FMN1: variants seen among roughly 807,000 people sequenced by gnomAD.
The protein encoded by FMN1 is formin-1.
FMN1 carries 110 observed loss-of-function variants against 132.4 expected under a neutral mutation model. That is an observed-to-expected ratio of 0.83 (90% CI 0.71 to 0.97). FMN1 has a LOEUF of 0.97. FMN1 is among the 50% of genes least tolerant of loss of function. The pLI is 0.00. For missense variants in FMN1, 1,792 were observed against 1,705.3 expected (o/e 1.05, Z -0.90); for synonymous variants, 722 against 651.7 (o/e 1.11, Z -1.64).
chr15:32,921,476 G>C (rs2060820684), intron 10 of FMN1, among the ~76,000 whole-genome samples: 1 of 152,150 alleles, frequency 6.6e-6, no homozygotes, highest in East Asian at 1.9e-4. Context: ...CAGTGTGATA[G>C]ATATTGCTGC....
intron 17 of FMN1, among the ~76,000 whole-genome samples, chr15:32,809,587 CTTCT>C (rs2057803090): frequency 1.3e-5 from 2 of 152,118 alleles, no homozygotes; most frequent in Non-Finnish European, 2.9e-5. Flanking sequence ...CACTTTGCTC[CTTCT>C]GTTTCTAATG....
chr15:32,953,413 G>A (rs1466843563), intron 9 of FMN1, among the ~76,000 whole-genome samples: 2 of 152,188 alleles, frequency 1.3e-5, no homozygotes, highest in Admixed American at 1.3e-4. Context: ...CTGGGATACA[G>A]AAGGCAGATT....
intron 4 of FMN1, among the ~76,000 whole-genome samples, chr15:33,107,228 A>C (rs1386661647): frequency 6.6e-6 from 1 of 151,886 alleles, no homozygotes; most frequent in East Asian, 1.9e-4. Context: ...TGATCACTTC[A>C]CACATCATTA....
intron 17 of FMN1, among the ~76,000 whole-genome samples, chr15:32,806,795 G>A (rs2057697557): frequency 6.6e-6 from 1 of 152,168 alleles, no homozygotes; most frequent in African/African-American, 2.4e-5. Context: ...TCACTGCATT[G>A]AGGTCTCAGC....
intron 15 of FMN1, among the ~76,000 whole-genome samples, chr15:32,888,899 C>T (rs903135472): frequency 1.3e-5 from 2 of 150,036 alleles, no homozygotes; most frequent in Non-Finnish European, 3.0e-5. Flanking sequence ...TGCTTTGTCA[C>T]CCAGGCTTGA....
At chr15:32,903,495 TGCTGA>T (rs2060346078) in intron 12 of FMN1, among the ~76,000 whole-genome samples, 1 of 152,206 alleles carries the variant, frequency 6.6e-6, no homozygotes, top group South Asian at 2.1e-4. Context: ...TTTATTCAGA[TGCTGA>T]GCTATTCTGA....
intron 2 of FMN1, among the ~76,000 whole-genome samples, chr15:33,185,321 A>G (rs953945220): frequency 7.2e-5 from 11 of 152,136 alleles, no homozygotes; most frequent in Non-Finnish European, 1.2e-4. Flanking sequence ...TGGTAGTCCT[A>G]TTGGTTCCTT....
intron 9 of FMN1, among the ~76,000 whole-genome samples, chr15:32,962,113 T>TA (rs1472119687): frequency 6.6e-6 from 1 of 151,784 alleles, no homozygotes; most frequent in Non-Finnish European, 1.5e-5. Context: ...GATTTATTAT[T>TA]ATTATTATTA....
At chr15:32,862,530 T>C (rs952932073) in intron 16 of FMN1, among the ~76,000 whole-genome samples, 5 of 152,234 alleles carry the variant, frequency 3.3e-5, no homozygotes, top group Admixed American at 2.0e-4. Flanking sequence ...AGGAAAGATA[T>C]GGCCTAGACT....
chr15:32,827,603 C>T (rs999444080), intron 17 of FMN1, among the ~76,000 whole-genome samples: 1 of 152,136 alleles, frequency 6.6e-6, no homozygotes, highest in Non-Finnish European at 1.5e-5. Flanking sequence ...GTAATCCCAG[C>T]ACTCTGGGAG....
At chr15:33,098,420 A>G (rs1206884129) in intron 4 of FMN1, among the ~76,000 whole-genome samples, 1 of 152,168 alleles carries the variant, frequency 6.6e-6, no homozygotes, top group Non-Finnish European at 1.5e-5. Context: ...AGGCTTCCAG[A>G]ACACTTGTCT....
intron 17 of FMN1, among the ~76,000 whole-genome samples, chr15:32,821,150 TA>T (rs199886936): frequency 0.012 from 1,766 of 143,276 alleles, 21 homozygotes; most frequent in Non-Finnish European, 0.02. Context: ...TTCTAAGAGA[TA>T]ATCAGAGTAT....
chr15:32,997,102 C>T (rs1259379316), intron 7 of FMN1, among the ~76,000 whole-genome samples: 3 of 152,278 alleles, frequency 2.0e-5, no homozygotes, highest in Middle Eastern at 6.8e-3. Flanking sequence ...AAGATAAATA[C>T]AGGCAAACAT....
At chr15:33,123,612 A>G (rs2444957) in intron 4 of FMN1, among the ~76,000 whole-genome samples, 134,963 of 152,260 alleles carry the variant, frequency 0.89, 59,914 homozygotes, top group East Asian at 0.97. Flanking sequence ...CAGGTTATAT[A>G]GTGAGGGTTG....
intron 9 of FMN1, among the ~76,000 whole-genome samples, chr15:32,935,441 G>C (rs2061241628): frequency 6.6e-6 from 1 of 152,024 alleles, no homozygotes; most frequent in East Asian, 1.9e-4. Flanking sequence ...GCTCAGTGTG[G>C]TCTTTTGAGT....
At chr15:32,966,486 G>GA (rs1491024742) in intron 8 of FMN1, among the ~76,000 whole-genome samples, 1 of 151,996 alleles carries the variant, frequency 6.6e-6, no homozygotes, top group African/African-American at 2.4e-5. Flanking sequence ...AAGGCAGGGG[G>GA]AGAGAGAGAG....
intron 16 of FMN1, chr15:32,860,677 T>C (rs2059248445): frequency 6.6e-6 from 1 of 152,048 alleles, no homozygotes. Flanking sequence ...TATATATACA[T>C]ACATATTAGC....
intron 16 of FMN1, among the ~76,000 whole-genome samples, chr15:32,878,191 G>A (rs2059682751): frequency 6.6e-6 from 1 of 152,198 alleles, no homozygotes; most frequent in Non-Finnish European, 1.5e-5. Flanking sequence ...TCCTAGAGCA[G>A]GAACAAGTAC....
At chr15:33,001,964 T>A (rs911439975) in intron 7 of FMN1, among the ~76,000 whole-genome samples, 3 of 152,042 alleles carry the variant, frequency 2.0e-5, no homozygotes, top group Non-Finnish European at 4.4e-5. Context: ...ATCCAAATAT[T>A]TTAGGTGATA....
Sources: gnomAD v4.1 joint callset for allele counts (sites outside exome capture counted in the v4.1 genomes callset) on GRCh38, gnomAD v4.1.1 for gene constraint, MANE v1.5 for transcripts, NCBI Gene and HGNC (gene_info 2026-07-23, HGNC 2026-07-21) for gene names.